Variants in NEGR1 observed in about 807,000 individuals in gnomAD.
NEGR1 encodes neuronal growth regulator 1.
Under a neutral mutation model 40.9 loss-of-function variants are expected in NEGR1, and 10 were observed. The ratio of observed to expected loss-of-function variants is 0.24; its 90% confidence interval spans 0.15 to 0.42. The LOEUF (loss-of-function observed/expected upper bound fraction) is 0.42. NEGR1 is among the 10% of genes least tolerant of loss of function. The probability of loss-of-function intolerance (pLI) is 1.00; values close to 1 mark genes in which losing one functional copy is unlikely to be tolerated. For missense variants in NEGR1, 352 were observed against 438.9 expected, an observed-to-expected ratio of 0.80 and a Z score of 1.77; for synonymous variants, 185 against 166.8, an observed-to-expected ratio of 1.11 and a Z score of -0.84.
At chr1:72,147,314 A>T (rs2630438) in intron 1 of NEGR1, among the ~76,000 whole-genome samples, 36,807 of 152,064 alleles carry the variant, frequency 0.24, 4,779 homozygotes, top group East Asian at 0.34. Context: ...GGCACTTCTT[A>T]CATGGCAGCA....
chr1:71,852,421 T>C (rs1305905817), intron 2 of NEGR1, among the ~76,000 whole-genome samples: 1 of 152,144 alleles, frequency 6.6e-6, no homozygotes, highest in East Asian at 1.9e-4. Flanking sequence ...AAAAAACCCA[T>C]ATTTCAATAT....
chr1:71,453,097 C>T (rs540129902), intron 6 of NEGR1, among the ~76,000 whole-genome samples: 3 of 152,106 alleles, frequency 2.0e-5, no homozygotes, highest in Non-Finnish European at 2.9e-5. Context: ...ATGCTCCAAG[C>T]GTCTCAATAG....
chr1:71,703,088 C>A (rs571175885), intron 3 of NEGR1: 14 of 150,174 alleles, frequency 9.3e-5, no homozygotes, highest in East Asian at 3.9e-4. Context: ...AAAAAAAAAA[C>A]AAACAAACAA....
intron 1 of NEGR1, among the ~76,000 whole-genome samples, chr1:71,942,141 C>A (rs1298799565): frequency 2.0e-5 from 3 of 149,648 alleles, no homozygotes; most frequent in Non-Finnish European, 3.0e-5. Context: ...AAAAAGAATT[C>A]TATTTTCTAT....
chr1:71,593,008 A>T, intron 5 of NEGR1, 40 bp from the exon 6 acceptor site: 2 of 1,470,292 alleles, frequency 1.4e-6, no homozygotes, highest in Non-Finnish European at 1.9e-6. Flanking sequence ...ATGTATTGTG[A>T]ATACCAGTTT....
At chr1:71,934,655 A>T (rs1645887195) in intron 2 of NEGR1, among the ~76,000 whole-genome samples, 1 of 152,168 alleles carries the variant, frequency 6.6e-6, no homozygotes, top group South Asian at 2.1e-4. Context: ...GCTCCCAAAG[A>T]TTTATTGAAG....
intron 1 of NEGR1, among the ~76,000 whole-genome samples, chr1:72,135,375 C>CAAAAAAAAAAAAAAAAAAAAAAA (rs71074819): frequency 8.4e-5 from 6 of 71,382 alleles, no homozygotes; most frequent in African/African-American, 1.1e-4. Context: ...GACTCCGTCT[C>CAAAAAAAAAAAAAAAAAAAAAAA]AAAAAAAAAA....
At position 72,088,781 on chromosome 1, in the gene NEGR1, T is replaced by C. The variant is rs571166723; in HGVS notation, c.177-153470A>G. On this transcript the variant is annotated intron_variant, in intron 1 of 6. Transcript: ENST00000357731. ...TAAGACTGTAAAACAATGTATAATG[T>C]AGTTCTCTCTCTCTCTTTTTTTTTT... 4.3e-3 allele frequency among the ~76,000 whole-genome samples: 640 copies of C among 148,942 alleles called. 3 individuals are homozygous for C. Among genetic ancestry groups the C allele is most frequent in the African/African-American group, 0.015 (618 of 40,418 alleles).
intron 1 of NEGR1, among the ~76,000 whole-genome samples, chr1:72,057,803 G>A (rs1453329784): frequency 6.6e-6 from 1 of 151,470 alleles, no homozygotes; most frequent in Admixed American, 6.6e-5. Flanking sequence ...CCTTCTTCCT[G>A]TGTTCTCACA....
intron 2 of NEGR1, among the ~76,000 whole-genome samples, chr1:71,784,164 C>T (rs1041133364): frequency 3.9e-5 from 6 of 151,964 alleles, no homozygotes; most frequent in Admixed American, 1.3e-4. Flanking sequence ...CAGGGATAAC[C>T]GGATGAGTTT....
chr1:71,702,669 A>G (rs1227051248), intron 3 of NEGR1, among the ~76,000 whole-genome samples: 2 of 151,830 alleles, frequency 1.3e-5, no homozygotes, highest in African/African-American at 4.8e-5. Context: ...ATATTTAGGA[A>G]CAATGGCCAG....
At chr1:72,017,079 C>CATATACAAATAATATACAAATA (rs929082341) in intron 1 of NEGR1, among the ~76,000 whole-genome samples, 2 of 151,480 alleles carry the variant, frequency 1.3e-5, no homozygotes, top group African/African-American at 2.4e-5. Flanking sequence ...AATGTGCATA[C>CATATACAAATAATATACAAATA]ATATACAAAT....
At chr1:72,195,388 T>G (rs1652964105) in intron 1 of NEGR1, among the ~76,000 whole-genome samples, 1 of 152,028 alleles carries the variant, frequency 6.6e-6, no homozygotes, top group South Asian at 2.1e-4. Context: ...TCTACATTTT[T>G]GTTGCCAAGC....
chr1:71,565,249 T>C (rs1517752), intron 6 of NEGR1, among the ~76,000 whole-genome samples: 92,493 of 151,912 alleles, frequency 0.61, 28,673 homozygotes, highest in Middle Eastern at 0.68. Flanking sequence ...GACTTAATCC[T>C]TGGCTTGGGG....
intron 1 of NEGR1, among the ~76,000 whole-genome samples, chr1:72,233,986 T>A (rs889087498): frequency 6.6e-6 from 1 of 152,076 alleles, no homozygotes; most frequent in African/African-American, 2.4e-5. Flanking sequence ...TTAAAAAAAA[T>A]TATCTTTTAT....
At chr1:71,621,876 T>C (rs1650620513) in intron 4 of NEGR1, among the ~76,000 whole-genome samples, 1 of 151,854 alleles carries the variant, frequency 6.6e-6, no homozygotes. Flanking sequence ...TGATGATGAG[T>C]ATGCACATGT....
chr1:71,839,244 G>C (rs929756302), intron 2 of NEGR1, among the ~76,000 whole-genome samples: 2 of 127,178 alleles, frequency 1.6e-5, no homozygotes, highest in Non-Finnish European at 3.2e-5. Context: ...CACTCTGTCA[G>C]CCAGGATGGA....
intron 2 of NEGR1, among the ~76,000 whole-genome samples, chr1:71,857,457 C>CAAAAAAAAAAAAA (rs34177437): frequency 3.9e-5 from 3 of 77,622 alleles, no homozygotes; most frequent in Non-Finnish European, 7.2e-5. Context: ...ACAAAAAATA[C>CAAAAAAAAAAAAA]AAAAAAAAAA....
intron 1 of NEGR1, among the ~76,000 whole-genome samples, chr1:72,167,234 C>T (rs2630428): frequency 0.98 from 148,926 of 152,222 alleles, 72,869 homozygotes; most frequent in East Asian, 1. Flanking sequence ...AGCCACCTTC[C>T]AGCCATTTCC....
Sources: gnomAD v4.1 joint callset for allele counts (sites outside exome capture counted in the v4.1 genomes callset) on GRCh38, gnomAD v4.1.1 for gene constraint, MANE v1.5 for transcripts, NCBI Gene and HGNC (gene_info 2026-07-23, HGNC 2026-07-21) for gene names.